CDH12: variants seen among roughly 807,000 people sequenced by gnomAD.
CDH12 encodes cadherin-12.
In CDH12, 41 loss-of-function variants were observed where a neutral mutation model predicts 74.1. That is an observed-to-expected ratio of 0.55 (90% CI 0.43 to 0.72). The LOEUF (loss-of-function observed/expected upper bound fraction) is 0.72. Ranked by LOEUF, CDH12 falls within the 30% of genes least tolerant of loss-of-function variation. CDH12 has a pLI of 0.00. For missense variants in CDH12, 945 were observed against 977.2 expected (o/e 0.97, Z 0.44); for synonymous variants, 399 against 355.0 (o/e 1.12, Z -1.39).
chr5:22,203,678 C>T (rs1306196896), intron 4 of CDH12, among the ~76,000 whole-genome samples: 4 of 152,226 alleles, frequency 2.6e-5, no homozygotes, highest in East Asian at 3.9e-4. Flanking sequence ...CCTACTCTTG[C>T]CTATAATGAC....
At chr5:22,654,515 C>G (rs1432428704) in intron 1 of CDH12, among the ~76,000 whole-genome samples, 1 of 152,094 alleles carries the variant, frequency 6.6e-6, no homozygotes, top group African/African-American at 2.4e-5. Flanking sequence ...GTCTCGAACT[C>G]CTAACCTTAG....
At chr5:22,403,113 G>A (rs922763758) in intron 3 of CDH12, among the ~76,000 whole-genome samples, 1 of 152,182 alleles carries the variant, frequency 6.6e-6, no homozygotes. Flanking sequence ...GAGGAGAGAG[G>A]CATGGACTGC....
intron 1 of CDH12, among the ~76,000 whole-genome samples, chr5:22,797,871 C>T (rs779024257): frequency 5.3e-5 from 8 of 152,090 alleles, no homozygotes; most frequent in Non-Finnish European, 5.9e-5. Flanking sequence ...TATAAAATGC[C>T]AATAACAATA....
At chr5:22,650,367 CTTAG>C (rs1265037816) in intron 1 of CDH12, among the ~76,000 whole-genome samples, 1 of 152,052 alleles carries the variant, frequency 6.6e-6, no homozygotes, top group Admixed American at 6.6e-5. Context: ...TCTTTGACCA[CTTAG>C]TTAGTGATTG....
chr5:22,713,377 A>G (rs943836127), intron 1 of CDH12, among the ~76,000 whole-genome samples: 2 of 151,672 alleles, frequency 1.3e-5, no homozygotes, highest in Non-Finnish European at 2.9e-5. Context: ...TCTTGACCTC[A>G]TGATCTGCCC....
At chr5:22,248,699 C>G (rs769170252) in intron 3 of CDH12, among the ~76,000 whole-genome samples, 8 of 152,020 alleles carry the variant, frequency 5.3e-5, no homozygotes, top group Non-Finnish European at 1.2e-4. Flanking sequence ...AAAACCTATC[C>G]AATAGTATCA....
At chr5:21,778,175 G>A (rs189519967) in intron 11 of CDH12, among the ~76,000 whole-genome samples, 115 of 152,128 alleles carry the variant, frequency 7.6e-4, no homozygotes, top group Non-Finnish European at 1.4e-3. Flanking sequence ...CTCAGAATGT[G>A]TTCTGGAATG....
intron 10 of CDH12, among the ~76,000 whole-genome samples, chr5:21,785,733 G>T (rs1417814449): frequency 1.3e-5 from 2 of 152,104 alleles, no homozygotes; most frequent in East Asian, 1.9e-4. Context: ...TAGCAGAGTT[G>T]GTTCATGAGG....
chr5:22,302,256 C>A (rs1386783046), intron 3 of CDH12, among the ~76,000 whole-genome samples: 2 of 152,008 alleles, frequency 1.3e-5, no homozygotes, highest in African/African-American at 4.8e-5. Flanking sequence ...CAGACACATG[C>A]ATGTACATAG....
At chr5:21,876,824 C>A (rs997029798) in intron 6 of CDH12, among the ~76,000 whole-genome samples, 1 of 152,212 alleles carries the variant, frequency 6.6e-6, no homozygotes, top group Admixed American at 6.5e-5. Flanking sequence ...CTTTATGTTG[C>A]CTCAATATAA....
chr5:22,797,101 C>T (rs1056990921), intron 1 of CDH12, among the ~76,000 whole-genome samples: 1 of 151,046 alleles, frequency 6.6e-6, no homozygotes, highest in Non-Finnish European at 1.5e-5. Context: ...GAAATTCTAA[C>T]CCTTTAGTAT....
chr5:21,842,278 A>G lies in CDH12; in HGVS notation c.697T>C (p.Tyr233His). 6 of 1,612,968 alleles carry G rather than the reference A, an allele frequency of 3.7e-6. No individual in the cohort carries two copies. The highest frequency in any genetic ancestry group is 5.1e-6 in the Non-Finnish European group (6 of 1,179,342). The change falls in exon 8 of 15, where the codon TAT (tyrosine) becomes CAT (histidine). Residue 233 changes from tyrosine to histidine, a missense_variant. Transcript: ENST00000382254. ...PNMDREVKEQ[Y>H]QVLIQAKDMG... ...TCCTTGGCTTGGATGAGTACTTGAT[A>G]TTGTTCTTTGACTTCTCTGTCCATG...
chr5:22,226,133 A>G (rs1752187147), intron 3 of CDH12, among the ~76,000 whole-genome samples: 1 of 151,806 alleles, frequency 6.6e-6, no homozygotes, highest in Admixed American at 6.6e-5. Context: ...TGAGTAGAGC[A>G]GCATGAAATA....
chr5:22,499,070 A>ATT (rs545083272), intron 2 of CDH12, among the ~76,000 whole-genome samples: 2,404 of 140,602 alleles, frequency 0.017, 68 homozygotes, highest in African/African-American at 0.06. Flanking sequence ...TACCCGGCTA[A>ATT]TTTTTTTTTT....
intron 6 of CDH12, among the ~76,000 whole-genome samples, chr5:21,892,452 T>G (rs914856726): frequency 1.3e-5 from 2 of 152,268 alleles, no homozygotes; most frequent in East Asian, 3.9e-4. Context: ...TTGTTGTCAC[T>G]TTTCGCAGGT....
At chr5:22,849,925 AAC>A (rs1251020266) in intron 1 of CDH12, among the ~76,000 whole-genome samples, 1 of 152,118 alleles carries the variant, frequency 6.6e-6, no homozygotes, top group African/African-American at 2.4e-5. Flanking sequence ...CATCAGCTAT[AAC>A]ATGATAGACA....
At chr5:22,788,123 A>G (rs561927919) in intron 1 of CDH12, among the ~76,000 whole-genome samples, 34 of 152,278 alleles carry the variant, frequency 2.2e-4, no homozygotes, top group Non-Finnish European at 4.6e-4. Context: ...TAAAATGTTG[A>G]CAGGACATGG....
At chr5:22,314,067 A>T (rs1738505545) in intron 3 of CDH12, among the ~76,000 whole-genome samples, 1 of 152,200 alleles carries the variant, frequency 6.6e-6, no homozygotes, top group Non-Finnish European at 1.5e-5. Context: ...GTAATAATCT[A>T]TTTAAGAGAT....
intron 1 of CDH12, among the ~76,000 whole-genome samples, chr5:22,756,494 A>G (rs1408579646): frequency 6.6e-6 from 1 of 152,194 alleles, no homozygotes; most frequent in Non-Finnish European, 1.5e-5. Context: ...TGTGAAGAAT[A>G]TTAAAAAGAG....
Sources: gnomAD v4.1 joint callset for allele counts (sites outside exome capture counted in the v4.1 genomes callset) on GRCh38, gnomAD v4.1.1 for gene constraint, MANE v1.5 for transcripts, NCBI Gene and HGNC (gene_info 2026-07-23, HGNC 2026-07-21) for gene names.